The following ENTREP1 variants were observed in gnomAD, a reference collection of about 807,000 sequenced individuals.
ENTREP1 encodes Friedreich ataxia region gene X123.
the ENTREP1 span, among the ~76,000 whole-genome samples, chr9:69,374,936 C>T: frequency 4.3e-4 from 66 of 152,280 alleles, no homozygotes; most frequent in African/African-American, 1.2e-3. Flanking sequence ...GGAGAAGGAA[C>T]GCACAGTGCA....
At chr9:69,346,258 C>T in the ENTREP1 span, among the ~76,000 whole-genome samples, 354 of 152,250 alleles carry the variant, frequency 2.3e-3, 3 homozygotes, top group African/African-American at 7.4e-3. Flanking sequence ...GCTGGGATTA[C>T]AGGCGTGAGC....
the ENTREP1 span, chr9:69,391,530 A>G: frequency 7.8e-7 from 1 of 1,281,794 alleles, no homozygotes. Context: ...GGATGGACCT[A>G]GGAGGTAGGT....
At chr9:69,367,599 T>TTA in the ENTREP1 span, among the ~76,000 whole-genome samples, 193 of 132,766 alleles carry the variant, frequency 1.5e-3, no homozygotes, top group East Asian at 3.8e-3. Context: ...CCTGGGTGTT[T>TTA]TATATATATA....
chr9:69,388,231 G>C, the ENTREP1 span: 1 of 1,614,158 alleles, frequency 6.2e-7, no homozygotes, highest in African/African-American at 1.3e-5. Flanking sequence ...TGACTCTGAG[G>C]AGAGGCTTGA....
the ENTREP1 span, among the ~76,000 whole-genome samples, chr9:69,369,191 T>C: frequency 1.3e-5 from 2 of 152,336 alleles, no homozygotes; most frequent in South Asian, 4.1e-4. Flanking sequence ...TAGTATTCCA[T>C]CGTGTATATG....
At chr9:69,330,594 C>T in the ENTREP1 span, among the ~76,000 whole-genome samples, 21 of 152,290 alleles carry the variant, frequency 1.4e-4, no homozygotes, top group Non-Finnish European at 2.8e-4. Flanking sequence ...GAAAAACTAA[C>T]ATAAAGATTA....
the ENTREP1 span, chr9:69,383,650 T>C: frequency 6.2e-7 from 1 of 1,614,116 alleles, no homozygotes; most frequent in Non-Finnish European, 8.5e-7. Context: ...CCTGATGTTA[T>C]TCCCCTGCCA....
chr9:69,326,949 T>C, the ENTREP1 span, among the ~76,000 whole-genome samples: 1 of 151,070 alleles, frequency 6.6e-6, no homozygotes, highest in Non-Finnish European at 1.5e-5. Flanking sequence ...AATCAGTGTA[T>C]GTCCTGAATG....
At chr9:69,371,578 A>C in the ENTREP1 span, 1 of 1,613,816 alleles carries the variant, frequency 6.2e-7, no homozygotes, top group Non-Finnish European at 8.5e-7. Context: ...CAAGGGGCCC[A>C]GTTTGTGTCC....
the ENTREP1 span, among the ~76,000 whole-genome samples, chr9:69,349,936 TCA>T: frequency 3.3e-5 from 5 of 152,344 alleles, no homozygotes; most frequent in East Asian, 9.6e-4. Context: ...CATATGGCTT[TCA>T]CACTATTTTA....
chr9:69,361,944 G>T, the ENTREP1 span, among the ~76,000 whole-genome samples: 5 of 151,934 alleles, frequency 3.3e-5, no homozygotes, highest in African/African-American at 1.2e-4. Context: ...CTATCCTTAA[G>T]GATTTCTGCG....
At chr9:69,383,492 T>C in the ENTREP1 span, 12 of 1,513,206 alleles carry the variant, frequency 7.9e-6, no homozygotes, top group Non-Finnish European at 1.1e-5. Context: ...ATTCTCCCTC[T>C]CCTGGCCAAG....
the ENTREP1 span, among the ~76,000 whole-genome samples, chr9:69,365,312 T>G: frequency 6.6e-6 from 1 of 152,178 alleles, no homozygotes; most frequent in African/African-American, 2.4e-5. Context: ...TTACTTTGTC[T>G]ATTCCTAAAC....
chr9:69,388,834 C>T, the ENTREP1 span, among the ~76,000 whole-genome samples: 1 of 152,160 alleles, frequency 6.6e-6, no homozygotes, highest in East Asian at 1.9e-4. Flanking sequence ...GAAATGATGA[C>T]ATAGGTGAAT....
At chr9:69,388,205 C>A in the ENTREP1 span, 1 of 1,614,176 alleles carries the variant, frequency 6.2e-7, no homozygotes, top group Non-Finnish European at 8.5e-7. Flanking sequence ...TGAAAGGAGA[C>A]TGGATCTGGC....
chr9:69,333,261 T>G, the ENTREP1 span, among the ~76,000 whole-genome samples: 2 of 152,048 alleles, frequency 1.3e-5, no homozygotes, highest in Non-Finnish European at 2.9e-5. Context: ...TTAGGCATAT[T>G]GCTATTTTAT....
the ENTREP1 span, among the ~76,000 whole-genome samples, chr9:69,378,044 T>G: frequency 6.6e-6 from 1 of 152,200 alleles, no homozygotes; most frequent in Non-Finnish European, 1.5e-5. Flanking sequence ...TCTTACTTTC[T>G]CTTTTTGTCT....
chr9:69,325,010 G>C, the ENTREP1 span: 2 of 985,366 alleles, frequency 2.0e-6, no homozygotes, highest in Non-Finnish European at 2.4e-6. Context: ...GGGACCCTGA[G>C]GCTGTGGCGC....
the ENTREP1 span, among the ~76,000 whole-genome samples, chr9:69,335,833 C>CGTGCGCCTGT: frequency 9.9e-5 from 15 of 152,254 alleles, no homozygotes; most frequent in Non-Finnish European, 1.9e-4. Flanking sequence ...GGTGTGGTGA[C>CGTGCGCCTGT]ATGCGCCTGT....
Sources: gnomAD v4.1 joint callset for allele counts (sites outside exome capture counted in the v4.1 genomes callset) on GRCh38, gnomAD v4.1.1 for gene constraint, MANE v1.5 for transcripts, NCBI Gene and HGNC (gene_info 2026-07-23, HGNC 2026-07-21) for gene names.